The following SIPA1L1 variants were observed in gnomAD, a reference collection of about 807,000 sequenced individuals.
SIPA1L1 encodes signal induced proliferation associated 1 like 1.
Under a neutral mutation model 162.7 loss-of-function variants are expected in SIPA1L1, and 26 were observed. The ratio of observed to expected loss-of-function variants is 0.16; its 90% CI spans 0.12 to 0.22. The LOEUF (loss-of-function observed/expected upper bound fraction) is 0.22. Ranked by LOEUF, SIPA1L1 falls within the 10% of genes least tolerant of loss-of-function variation. The pLI, the probability that SIPA1L1 is intolerant of heterozygous loss-of-function variation, is 1.00. For synonymous variants in SIPA1L1, 829 were observed against 837.4 expected (o/e 0.99, Z 0.17); for missense variants, 1,874 against 2,241.0 (o/e 0.84, Z 3.31).
intron 2 of SIPA1L1, among the ~76,000 whole-genome samples, chr14:71,427,658 G>A (rs1440490648): frequency 2.6e-5 from 4 of 151,908 alleles, no homozygotes; most frequent in Non-Finnish European, 5.9e-5. Flanking sequence ...CTCTCTTCAG[G>A]TTCACTGATT....
intron 2 of SIPA1L1, among the ~76,000 whole-genome samples, chr14:71,476,083 A>G (rs1466980236): frequency 6.6e-6 from 1 of 152,356 alleles, no homozygotes; most frequent in East Asian, 1.9e-4. Flanking sequence ...TTGATGACAC[A>G]GTGCAGATGC....
chr14:71,605,154 TTAATC>T (rs1325287534), intron 5 of SIPA1L1, among the ~76,000 whole-genome samples: 1 of 152,148 alleles, frequency 6.6e-6, no homozygotes, highest in East Asian at 1.9e-4. Flanking sequence ...TTTTTTCTGC[TTAATC>T]TAGTCTATTG....
At chr14:71,469,892 G>C (rs2047316686) in intron 2 of SIPA1L1, among the ~76,000 whole-genome samples, 2 of 152,320 alleles carry the variant, frequency 1.3e-5, no homozygotes, top group South Asian at 4.1e-4. Context: ...ATAACCAGGA[G>C]GATGGTGTGG....
Position 71,739,278 on chromosome 14 carries a change from C to T in SIPA1L1, c.*117C>T. 3.9e-6 allele frequency: 4 copies of T among 1,015,150 alleles called. No individual in the cohort carries two copies. Among genetic ancestry groups the T allele is most frequent in the Non-Finnish European group, 5.4e-6 (4 of 734,034 alleles). 62.9% of individuals were successfully genotyped at this position (1,015,150 alleles called of 1,614,324 possible). On this transcript the variant is annotated 3_prime_UTR_variant, in exon 24 of 24. Transcript: ENST00000381232. ...GCACCTTCCCTGGCTTCCTACTCTG[C>T]CCCCTTTCGGGGAGTGCACAACACA...
chr14:71,580,278 G>C (rs1163353473), intron 4 of SIPA1L1, among the ~76,000 whole-genome samples: 2 of 152,166 alleles, frequency 1.3e-5, no homozygotes, highest in Non-Finnish European at 2.9e-5. Context: ...ACATTCTTCA[G>C]ATTTAGCCTC....
intron 13 of SIPA1L1, among the ~76,000 whole-genome samples, chr14:71,697,726 T>C (rs1207377528): frequency 3.3e-5 from 5 of 152,140 alleles, no homozygotes; most frequent in Non-Finnish European, 5.9e-5. Context: ...CCTTATTCTT[T>C]CTCTATTAGC....
intron 12 of SIPA1L1, among the ~76,000 whole-genome samples, chr14:71,682,481 G>A (rs1596938235): frequency 2.0e-5 from 3 of 152,234 alleles, no homozygotes; most frequent in African/African-American, 4.8e-5. Context: ...GAAATGGCGA[G>A]TAGCTGAAGT....
At chr14:71,577,022 G>A (rs1480214032) in intron 4 of SIPA1L1, among the ~76,000 whole-genome samples, 3 of 148,068 alleles carry the variant, frequency 2.0e-5, no homozygotes, top group African/African-American at 7.5e-5. Flanking sequence ...GGCAGAGGTT[G>A]CAGTGAGCTG....
At position 71,702,390 on chromosome 14, in the gene SIPA1L1, G is replaced by T; in HGVS notation, c.3531G>T (p.Val1177=). ...GCGGAAATCACCACAGGTTTGGAGT[G>T]AGCCGTAGATCCCCAGCCTCCATTG... ...RQKSMPEGFG[V]SRRSPASIDR... Residue 1177 remains valine, a synonymous_variant, in exon 15 of 24, where the codon GTG becomes GTT. Coordinates refer to ENST00000381232, the MANE Select transcript of SIPA1L1 (RefSeq NM_001386936.1). 6.2e-7 allele frequency: 1 copy of T among 1,614,070 alleles called. No individual in the cohort carries two copies. The highest frequency in any genetic ancestry group is 1.1e-5 in the South Asian group (1 of 91,070).
chr14:71,464,509 C>T (rs934169467), intron 2 of SIPA1L1, among the ~76,000 whole-genome samples: 1 of 152,064 alleles, frequency 6.6e-6, no homozygotes, highest in Non-Finnish European at 1.5e-5. Context: ...GGCCTGGTGG[C>T]ACACGTCTGG....
At position 71,555,066 on chromosome 14, in the gene SIPA1L1, G is replaced by A. The variant is rs2056233008; in HGVS notation, c.-303+25696G>A. Among the ~76,000 whole-genome samples the A allele has an allele frequency of 3.3e-5, 5 of 152,190 alleles. No homozygotes were observed. The South Asian group carries it at 8.3e-4, about 25-fold the overall frequency. Reference sequence around the variant, plus strand: ...CCTACGATTTTCAGATTGTAAATAAGCATTGGCTTCAACTTTAAGTCTCCA... The same window carrying A: ...CCTACGATTTTCAGATTGTAAATAAACATTGGCTTCAACTTTAAGTCTCCA... On this transcript the variant is annotated intron_variant, in intron 4 of 23. Coordinates refer to ENST00000381232, the MANE Select transcript of SIPA1L1 (RefSeq NM_001386936.1).
chr14:71,594,766 C>G (rs2035835884), intron 5 of SIPA1L1, among the ~76,000 whole-genome samples: 1 of 152,126 alleles, frequency 6.6e-6, no homozygotes, highest in Non-Finnish European at 1.5e-5. Flanking sequence ...TTTTTAAACA[C>G]TCTATTTATA....
Position 71,529,295 on chromosome 14 carries a change from TTC to T in SIPA1L1, c.-361-15_-361-14del, listed in dbSNP as rs1487575857. The T allele has an allele frequency of 3.3e-6, 2 of 615,056 alleles. No individual in the cohort carries two copies. The highest frequency in any genetic ancestry group is 3.7e-5 in the African/African-American group (2 of 54,016). 38.1% of individuals were successfully genotyped at this position (615,056 alleles called of 1,614,324 possible). ...TATTGTGCACTTAACCAGGTTTTTT[TTC>T]TAATTTTATTTCAGGTTATACCTTA... is the stretch of plus-strand genomic sequence containing the variant. On this transcript the variant is annotated splice_polypyrimidine_tract_variant and intron_variant, in intron 3 of 23. Coordinates refer to ENST00000381232, the MANE Select transcript of SIPA1L1 (RefSeq NM_001386936.1).
intron 2 of SIPA1L1, among the ~76,000 whole-genome samples, chr14:71,429,882 T>A (rs2043853977): frequency 6.6e-6 from 1 of 152,242 alleles, no homozygotes; most frequent in African/African-American, 2.4e-5. Flanking sequence ...GATGTGAATT[T>A]ATTTAGAAAT....
chr14:71,347,264 A>T (rs1594928828), intron 2 of SIPA1L1, among the ~76,000 whole-genome samples: 1 of 152,044 alleles, frequency 6.6e-6, no homozygotes. Context: ...CCCAAACAAA[A>T]TGTAGTATTT....
Position 71,446,894 on chromosome 14 carries a change from G to GTTTTTTTT in SIPA1L1, c.-464-65845_-464-65838dup, listed in dbSNP as rs765106790. ...CTGCAAATAAAGAGAGATGGGCTCT[G>GTTTTTTTT]TTTTTTTTTTTGTTTTTTTTTTTTT... On this transcript the variant is annotated intron_variant, in intron 2 of 23. Coordinates refer to ENST00000381232, the MANE Select transcript of SIPA1L1 (RefSeq NM_001386936.1). Among the ~76,000 whole-genome samples the GTTTTTTTT allele has an allele frequency of 1.4e-3, 126 of 87,384 alleles. 16 individuals carry two copies. The highest frequency in any genetic ancestry group is 6.9e-3 in the East Asian group (17 of 2,448). The allele number at this position is 87,384 out of a possible 152,430, so 57.3% of individuals were successfully genotyped here.
chr14:71,364,221 G>A (rs2038072222), intron 2 of SIPA1L1, among the ~76,000 whole-genome samples: 1 of 152,146 alleles, frequency 6.6e-6, no homozygotes, highest in Non-Finnish European at 1.5e-5. Flanking sequence ...GAGTGAAAAA[G>A]GCAAGTGACG....
rs144236677 is a variant in SIPA1L1 at position 71,605,984 on chromosome 14, G to A, written c.1499-12773G>A. On this transcript the variant is annotated intron_variant, in intron 5 of 23. Coordinates refer to ENST00000381232, the MANE Select transcript of SIPA1L1 (RefSeq NM_001386936.1). ...GGGATGACCCTCTGAGTTCTAAGTG[G>A]TGTGCACTGGTGTTGGCCATGGCTA... Among the ~76,000 whole-genome samples the A allele has an allele frequency of 2.4e-3, 372 of 152,210 alleles. 5 individuals carry two copies. Among genetic ancestry groups the A allele is most frequent in the Non-Finnish European group, 4.0e-3 (274 of 68,000 alleles).
chr14:71,654,109 G>A (rs568768705), intron 8 of SIPA1L1, among the ~76,000 whole-genome samples: 1 of 152,214 alleles, frequency 6.6e-6, no homozygotes, highest in South Asian at 2.1e-4. Context: ...GGAGGACGAG[G>A]CTCAGGGAAG....
Sources: allele counts gnomAD v4.1 joint callset (sites outside exome capture counted in the v4.1 genomes callset), GRCh38; gene constraint gnomAD v4.1.1; transcripts MANE v1.5; gene names NCBI Gene and HGNC (gene_info 2026-07-23, HGNC 2026-07-21).